The following CCSER1 variants were observed in gnomAD, a reference collection of about 807,000 sequenced individuals.
CCSER1 encodes coiled-coil serine rich protein 1.
Under a neutral mutation model 82.0 loss-of-function variants are expected in CCSER1, and 41 were observed. That is an observed-to-expected ratio of 0.50 (90% CI 0.39 to 0.65). CCSER1 has a LOEUF of 0.65. Ranked by LOEUF, CCSER1 falls within the 30% of genes least tolerant of loss-of-function variation. The pLI is 0.00. For synonymous variants in CCSER1, 414 were observed against 383.9 expected, an observed-to-expected ratio of 1.08 and a Z score of -0.92; for missense variants, 1,119 against 1,064.2, an observed-to-expected ratio of 1.05 and a Z score of -0.72.
chr4:91,347,225 C>T (rs529315652), intron 10 of CCSER1, among the ~76,000 whole-genome samples: 1 of 152,156 alleles, frequency 6.6e-6, no homozygotes, highest in South Asian at 2.1e-4. Flanking sequence ...GTTTCAGCAC[C>T]ACTTGTGAAA....
At chr4:90,844,860 G>A (rs951711666) in intron 8 of CCSER1, among the ~76,000 whole-genome samples, 8 of 152,134 alleles carry the variant, frequency 5.3e-5, no homozygotes, top group African/African-American at 1.7e-4. Flanking sequence ...TTAGCAAAGA[G>A]CCAGACAGTA....
At chr4:90,708,901 G>A (rs541867791) in intron 6 of CCSER1, among the ~76,000 whole-genome samples, 10 of 152,208 alleles carry the variant, frequency 6.6e-5, no homozygotes, top group African/African-American at 1.9e-4. Context: ...TCCTCAAGTG[G>A]TAGTAAAAAT....
At chr4:91,115,039 TTTCC>T (rs1726428626) in intron 10 of CCSER1, among the ~76,000 whole-genome samples, 2 of 152,150 alleles carry the variant, frequency 1.3e-5, no homozygotes. Context: ...GAATAATATA[TTTCC>T]AGTTTATTTC....
intron 1 of CCSER1, among the ~76,000 whole-genome samples, chr4:90,197,677 C>A (rs1339916531): frequency 6.6e-6 from 1 of 151,956 alleles, no homozygotes; most frequent in Admixed American, 6.6e-5. Flanking sequence ...ATAAGCCAGA[C>A]ACAGAAAGAC....
chr4:90,744,725 A>G (rs1747123830), intron 7 of CCSER1, among the ~76,000 whole-genome samples: 1 of 152,094 alleles, frequency 6.6e-6, no homozygotes, highest in Non-Finnish European at 1.5e-5. Context: ...TTAGATTCTC[A>G]TATGAGTGCA....
intron 5 of CCSER1, among the ~76,000 whole-genome samples, chr4:90,561,278 A>G (rs1778730401): frequency 6.6e-6 from 1 of 152,204 alleles, no homozygotes. Context: ...TTAATTTAAG[A>G]GATTCTAACC....
intron 10 of CCSER1, among the ~76,000 whole-genome samples, chr4:91,505,688 A>G (rs1759447028): frequency 6.6e-6 from 1 of 152,314 alleles, no homozygotes; most frequent in African/African-American, 2.4e-5. Flanking sequence ...CAGTTATCTA[A>G]TGATCAGTGA....
intron 10 of CCSER1, among the ~76,000 whole-genome samples, chr4:91,262,264 A>G (rs2149167413): frequency 6.6e-6 from 1 of 152,194 alleles, no homozygotes; most frequent in East Asian, 1.9e-4. Flanking sequence ...GTTTCTTGTG[A>G]GTTTACAATA....
intron 7 of CCSER1, among the ~76,000 whole-genome samples, chr4:90,814,020 A>T (rs1386471749): frequency 6.6e-6 from 1 of 152,154 alleles, no homozygotes; most frequent in Non-Finnish European, 1.5e-5. Flanking sequence ...ACATCCAGGC[A>T]TTTCCATACA....
At position 90,485,149 on chromosome 4, in the gene CCSER1, T is replaced by A. The variant is rs1050152670; in HGVS notation, c.1724+16795T>A. ...CTGCTGTGCTAGCAATGAGCGAGGCTCTGTGGGCGTAGGACCCTCTGAGCC... is the reference window on the plus strand; with the variant it reads ...CTGCTGTGCTAGCAATGAGCGAGGCACTGTGGGCGTAGGACCCTCTGAGCC... On this transcript the variant is annotated intron_variant, in intron 5 of 10. Transcript: ENST00000509176. 2.6e-5 allele frequency among the ~76,000 whole-genome samples: 4 copies of A among 152,198 alleles called. 1 individual carries two copies. The highest frequency in any genetic ancestry group is 2.6e-4 in the Admixed American group (4 of 15,280).
chr4:90,894,665 CT>C (rs923123420), intron 8 of CCSER1, among the ~76,000 whole-genome samples: 25 of 151,920 alleles, frequency 1.6e-4, no homozygotes, highest in African/African-American at 6.0e-4. Flanking sequence ...TTTCCTCCTC[CT>C]TCCTCACATT....
intron 9 of CCSER1, among the ~76,000 whole-genome samples, chr4:91,038,940 G>A (rs1741682345): frequency 6.6e-6 from 1 of 152,196 alleles, no homozygotes. Context: ...GTTGATCAGT[G>A]AACCCTAAAC....
chr4:91,399,145 C>T (rs1752169756), intron 10 of CCSER1, among the ~76,000 whole-genome samples: 1 of 151,782 alleles, frequency 6.6e-6, no homozygotes, highest in Non-Finnish European at 1.5e-5. Flanking sequence ...GAGCATGGCA[C>T]ACTGACAAGA....
At chr4:90,413,397 GCAATTCCCTTCAAAA>G (rs766235005) in intron 4 of CCSER1, among the ~76,000 whole-genome samples, 4 of 152,030 alleles carry the variant, frequency 2.6e-5, no homozygotes, top group Non-Finnish European at 5.9e-5. Flanking sequence ...CAAATTCAGT[GCAATTCCCTTCAAAA>G]CACTACCATT....
At chr4:90,600,766 A>G (rs1188172497) in intron 5 of CCSER1, among the ~76,000 whole-genome samples, 1 of 151,718 alleles carries the variant, frequency 6.6e-6, no homozygotes, top group Non-Finnish European at 1.5e-5. Context: ...TCCTGCTAGG[A>G]TTTTGATTGA....
chr4:90,890,127 A>G (rs1722748476), intron 8 of CCSER1, among the ~76,000 whole-genome samples: 1 of 152,176 alleles, frequency 6.6e-6, no homozygotes, highest in Non-Finnish European at 1.5e-5. Context: ...ATAATGCACA[A>G]AAACAGTGAT....
intron 6 of CCSER1, chr4:90,683,256 C>T (rs570041293): frequency 6.6e-6 from 1 of 151,976 alleles, no homozygotes; most frequent in Non-Finnish European, 1.5e-5. Flanking sequence ...TAGAGAGAAT[C>T]TTAAAGTGCT....
At chr4:90,713,798 G>T (rs1232608211) in intron 6 of CCSER1, among the ~76,000 whole-genome samples, 1 of 151,854 alleles carries the variant, frequency 6.6e-6, no homozygotes. Context: ...CGTAGGTTCA[G>T]TCTCTACATA....
chr4:91,328,833 G>GAT lies in CCSER1; in HGVS notation c.2217+242840_2217+242841dup, dbSNP rs1178937939. On this transcript the variant is annotated intron_variant, in intron 10 of 10. Transcript: ENST00000509176. ...ATTGTAATGATCCCCACATGTCAAG[G>GAT]ATGGGACCACGTAGAGATAGTTGAA... is the stretch of plus-strand genomic sequence containing the variant. Among the ~76,000 whole-genome samples the GAT allele has an allele frequency of 5.3e-5, 8 of 152,126 alleles. No individual in the cohort carries two copies. In the South Asian group the frequency reaches 1.5e-3, roughly 28 times the overall value.
Sources: gnomAD v4.1 joint callset for allele counts (sites outside exome capture counted in the v4.1 genomes callset) on GRCh38, gnomAD v4.1.1 for gene constraint, MANE v1.5 for transcripts, NCBI Gene and HGNC (gene_info 2026-07-23, HGNC 2026-07-21) for gene names.